The following ANKS4B variants were observed in gnomAD, a reference collection of about 807,000 sequenced individuals.
ANKS4B encodes the protein ankyrin repeat and sterile alpha motif domain containing 4B, also known as ankyrin repeat and SAM domain-containing protein 4B.
In ANKS4B, 21 loss-of-function variants were observed where a neutral mutation model predicts 20.2. That is an observed-to-expected ratio of 1.04 (90% confidence interval 0.74 to 1.50). The LOEUF is 1.50. Among genes scored for constraint, ANKS4B ranks in the 40% most tolerant of loss-of-function variants. The pLI is 0.00. For synonymous variants in ANKS4B, 179 were observed against 194.5 expected (o/e 0.92, Z 0.66); for missense variants, 473 against 494.6 (o/e 0.96, Z 0.41).
chr16:21,251,124 T>C lies in ANKS4B; in HGVS notation c.*304T>C. ...TTTGTTTTGTTTTGTTTTTTGGAGA[T>C]GAAGGTCTCAGTCTCTTACCCAGGC... is the stretch of plus-strand genomic sequence containing the variant. On this transcript the variant is annotated 3_prime_UTR_variant, in exon 2 of 2. Coordinates refer to ENST00000311620, the MANE Select transcript of ANKS4B (RefSeq NM_145865.3). The C allele has an allele frequency of 3.7e-6, 1 of 273,878 alleles. No individual in the cohort carries two copies. Among genetic ancestry groups the C allele is most frequent in the Non-Finnish European group, 6.9e-6 (1 of 143,910 alleles). The allele number at this position is 273,878 out of a possible 1,614,324, so 17.0% of individuals were successfully genotyped here.
intron 1 of ANKS4B, among the ~76,000 whole-genome samples, chr16:21,247,925 A>G (rs1021041757): frequency 1.3e-5 from 2 of 152,218 alleles, no homozygotes; most frequent in Admixed American, 6.5e-5. Flanking sequence ...CAGTCATGGA[A>G]GTAAGTTGAG....
chr16:21,238,614 T>C (rs2093323022), intron 1 of ANKS4B, among the ~76,000 whole-genome samples: 1 of 152,192 alleles, frequency 6.6e-6, no homozygotes, highest in Non-Finnish European at 1.5e-5. Context: ...CTTTATATAA[T>C]TTAAGATCTG....
intron 1 of ANKS4B, among the ~76,000 whole-genome samples, chr16:21,236,653 C>G (rs906156908): frequency 6.6e-6 from 1 of 151,904 alleles, no homozygotes; most frequent in African/African-American, 2.4e-5. Flanking sequence ...TCAAATAATC[C>G]TCCTGCCTCA....
At chr16:21,248,549 G>C (rs2093335116) in intron 1 of ANKS4B, among the ~76,000 whole-genome samples, 1 of 151,826 alleles carries the variant, frequency 6.6e-6, no homozygotes, top group Non-Finnish European at 1.5e-5. Context: ...GACCAACACG[G>C]TGAAACTCCA....
chr16:21,239,378 C>G (rs2093323789), intron 1 of ANKS4B, among the ~76,000 whole-genome samples: 1 of 152,054 alleles, frequency 6.6e-6, no homozygotes, highest in Non-Finnish European at 1.5e-5. Context: ...AGTTCAAGAC[C>G]AGCCTGATCA....
At position 21,251,933 on chromosome 16, in the gene ANKS4B, T is replaced by A. The variant is rs1165728335; in HGVS notation, c.*1113T>A. The A allele has an allele frequency of 7.1e-5, 2 of 28,100 alleles. No homozygotes were observed. Among genetic ancestry groups the A allele is most frequent in the South Asian group, 1.8e-3 (1 of 550 alleles). 1.7% of individuals were successfully genotyped at this position (28,100 alleles called of 1,614,324 possible). A position where few individuals can be genotyped will look rare whatever the true frequency, so the allele number is the denominator to read the frequency against. On this transcript the variant is annotated 3_prime_UTR_variant, in exon 2 of 2. Transcript: ENST00000311620. ...GTAGGACTGGTGTCCTTTTTTTCCC[T>A]TTTTTTTTTTTTTTTTGAGATGGAG...
intron 1 of ANKS4B, among the ~76,000 whole-genome samples, chr16:21,240,792 C>A (rs2093325591): frequency 6.9e-6 from 1 of 144,724 alleles, no homozygotes; most frequent in African/African-American, 2.5e-5. Flanking sequence ...ATAATTTCAA[C>A]TTTTTTTTTT....
Position 21,253,795 on chromosome 16 carries a change from T to C in ANKS4B, c.*2975T>C, listed in dbSNP as rs2152860407. The C allele has an allele frequency of 6.6e-6, 1 of 152,352 alleles. No homozygotes were observed. Among genetic ancestry groups the C allele is most frequent in the Non-Finnish European group, 1.5e-5 (1 of 68,044 alleles). The allele number at this position is 152,352 out of a possible 1,614,324, so 9.4% of individuals were successfully genotyped here. On this transcript the variant is annotated 3_prime_UTR_variant, in exon 2 of 2. Coordinates refer to ENST00000311620, the MANE Select transcript of ANKS4B (RefSeq NM_145865.3). ...TCCAAAGTTCTCAGCATCAAGGATA[T>C]AGTCTCTTCGTCACAGAGTATTGTT...
At chr16:21,234,520 A>G (rs199552018) in intron 1 of ANKS4B, among the ~76,000 whole-genome samples, 1 of 144,456 alleles carries the variant, frequency 6.9e-6, no homozygotes, top group African/African-American at 2.7e-5. Flanking sequence ...ACACACACAC[A>G]CCCCATCTCT....
At chr16:21,241,937 C>A (rs2093327015) in intron 1 of ANKS4B, among the ~76,000 whole-genome samples, 2 of 152,120 alleles carry the variant, frequency 1.3e-5, no homozygotes, top group South Asian at 4.1e-4. Context: ...ATGGCTCATG[C>A]CTGTAATCCC....
chr16:21,241,658 C>T (rs1434879510), intron 1 of ANKS4B, among the ~76,000 whole-genome samples: 4 of 152,046 alleles, frequency 2.6e-5, no homozygotes, highest in Non-Finnish European at 4.4e-5. Context: ...GTGATCAACC[C>T]ACCTTGGCCT....
Position 21,250,006 on chromosome 16 carries a change from T to C in ANKS4B, c.440T>C (p.Ile147Thr), listed in dbSNP as rs2093336874. 3 of 1,614,114 alleles carry C rather than the reference T, an allele frequency of 1.9e-6. No homozygotes were observed. Among genetic ancestry groups the C allele is most frequent in the Non-Finnish European group, 2.5e-6 (3 of 1,180,012 alleles). Residue 147 changes from isoleucine to threonine, a missense_variant, in exon 2 of 2, where the codon ATC becomes ACC. Ile to Thr is a moderately conservative substitution (Grantham distance 89). Coordinates refer to ENST00000311620, the MANE Select transcript of ANKS4B (RefSeq NM_145865.3). ...GCTCAGAAGAATGCCAGGAGGCAGA[T>C]CAAAGAGTGTGAGAGGCTCCAGGAG... ...EQAQKNARRQ[I>T]KECERLQEKH...
Position 21,250,854 on chromosome 16 carries a change from C to A in ANKS4B, c.*34C>A, listed in dbSNP as rs920683229. On this transcript the variant is annotated 3_prime_UTR_variant, in exon 2 of 2. Transcript: ENST00000311620. ...TTTGGCCTGGAGCATTGGGGTGATGCTGTGGCCCGCTGGCAGCACTCCAGG... is the reference window on the plus strand; with the variant it reads ...TTTGGCCTGGAGCATTGGGGTGATGATGTGGCCCGCTGGCAGCACTCCAGG... The A allele has an allele frequency of 1.9e-6, 3 of 1,545,472 alleles. No homozygotes were observed. The highest frequency in any genetic ancestry group is 1.7e-6 in the Non-Finnish European group (2 of 1,143,132).
At chr16:21,237,658 G>C (rs1054573677) in intron 1 of ANKS4B, among the ~76,000 whole-genome samples, 1 of 151,784 alleles carries the variant, frequency 6.6e-6, no homozygotes, top group African/African-American at 2.4e-5. Context: ...CCCCATTCAT[G>C]AGGGTAGAGT....
chr16:21,247,542 T>C (rs2093333905), intron 1 of ANKS4B, among the ~76,000 whole-genome samples: 1 of 152,206 alleles, frequency 6.6e-6, no homozygotes, highest in African/African-American at 2.4e-5. Context: ...AGACTCACTG[T>C]CCTCTTTCCA....
chr16:21,236,341 C>T (rs913198683), intron 1 of ANKS4B, among the ~76,000 whole-genome samples: 3 of 152,128 alleles, frequency 2.0e-5, no homozygotes, highest in Non-Finnish European at 2.9e-5. Flanking sequence ...TCCAACATTG[C>T]GGATTACAAT....
chr16:21,240,161 A>G (rs372928971), intron 1 of ANKS4B, among the ~76,000 whole-genome samples: 56 of 149,716 alleles, frequency 3.7e-4, no homozygotes, highest in Non-Finnish European at 7.8e-4. Context: ...ATGGAAAACA[A>G]TCATTACATG....
At chr16:21,236,587 T>G (rs1200553450) in intron 1 of ANKS4B, among the ~76,000 whole-genome samples, 1 of 152,148 alleles carries the variant, frequency 6.6e-6, no homozygotes, top group African/African-American at 2.4e-5. Flanking sequence ...TATTTTTTAT[T>G]TTTACTAGAG....
In ANKS4B at chr16:21,233,745, C is replaced by A. The variant is rs755940002; in HGVS notation, c.8C>A (p.Thr3Asn). 2.5e-6 allele frequency: 4 copies of A among 1,613,492 alleles called. No individual in the cohort carries two copies. The highest frequency in any genetic ancestry group is 3.4e-6 in the Non-Finnish European group (4 of 1,179,736). ...TTCTGGTGAGCAGGAAAAATGTCTACTCGTTACCACCAAGCTGCTAGTGAT... is the reference window on the plus strand; with the variant it reads ...TTCTGGTGAGCAGGAAAAATGTCTAATCGTTACCACCAAGCTGCTAGTGAT... The part of the protein sequence containing the change: MS[T>N]RYHQAASDSY... Residue 3 changes from threonine to asparagine, a missense_variant, in exon 1 of 2, where the codon ACT becomes AAT. Physicochemically the swap from Thr to Asn is moderately conservative, Grantham distance 65. Coordinates refer to ENST00000311620, the MANE Select transcript of ANKS4B (RefSeq NM_145865.3).
Sources: gnomAD v4.1 joint callset for allele counts (sites outside exome capture counted in the v4.1 genomes callset) on GRCh38, gnomAD v4.1.1 for gene constraint, MANE v1.5 for transcripts, NCBI Gene and HGNC (gene_info 2026-07-23, HGNC 2026-07-21) for gene names.